HMGCL: variants seen among roughly 807,000 people sequenced by gnomAD.
The protein encoded by HMGCL is 3-hydroxy-3-methylglutaryl-CoA lyase, also known as hydroxymethylglutaryl-CoA lyase, mitochondrial.
HMGCL carries 26 observed loss-of-function variants against 37.3 expected under a neutral mutation model. The ratio of observed to expected loss-of-function variants is 0.70; its 90% confidence interval spans 0.51 to 0.97. HMGCL has a LOEUF of 0.97. HMGCL is among the 50% of genes least tolerant of loss of function. HMGCL has a pLI of 0.00. For synonymous variants in HMGCL, 151 were observed against 148.0 expected (o/e 1.02, Z -0.15); for missense variants, 379 against 398.1 (o/e 0.95, Z 0.41).
intron 8 of HMGCL, chr1:23,803,517 G>T (rs1467419021): frequency 6.6e-6 from 1 of 152,202 alleles, no homozygotes; most frequent in Non-Finnish European, 1.5e-5. Flanking sequence ...TCTATTGTTA[G>T]TGGAGACAGT....
chr1:23,808,700 T>G (rs1557487967), intron 6 of HMGCL, among the ~76,000 whole-genome samples: 1 of 151,720 alleles, frequency 6.6e-6, no homozygotes, highest in Non-Finnish European at 1.5e-5. Context: ...AGCAATAAAA[T>G]CCATGAAATC....
chr1:23,811,725 G>A (rs1638524141), intron 5 of HMGCL, among the ~76,000 whole-genome samples: 1 of 152,188 alleles, frequency 6.6e-6, no homozygotes, highest in African/African-American at 2.4e-5. Flanking sequence ...GGTCAGCAAG[G>A]TGGGCACAGG....
intron 2 of HMGCL, among the ~76,000 whole-genome samples, chr1:23,818,111 C>T (rs1638647947): frequency 1.3e-5 from 2 of 152,180 alleles, no homozygotes; most frequent in Admixed American, 1.3e-4. Flanking sequence ...TCTCTTGCAT[C>T]AAAAGCTTTC....
rs768446990 is a variant in HMGCL, at chr1:23,806,713, G to A, written c.750+1422C>T. On this transcript the variant is annotated intron_variant, in intron 7 of 8. Coordinates refer to ENST00000374490, the MANE Select transcript of HMGCL (RefSeq NM_000191.3). The surrounding 1 kb of genome is among the most constrained non-coding windows in gnomAD (Gnocchi z 4.0). ...TTATTATCTGTCTCATAGTACTAGA[G>A]TGTCAGCCTCATGAGGGCAGAGACT... is the stretch of plus-strand genomic sequence containing the variant. The A allele has an allele frequency of 2.9e-6, 1 of 350,700 alleles. No individual in the cohort carries two copies. The highest frequency in any genetic ancestry group is 5.6e-6 in the Non-Finnish European group (1 of 178,166). 21.7% of individuals were successfully genotyped at this position (350,700 alleles called of 1,614,324 possible).
chr1:23,819,468 C>G (rs746242750), intron 2 of HMGCL, among the ~76,000 whole-genome samples: 1 of 152,184 alleles, frequency 6.6e-6, no homozygotes, highest in Non-Finnish European at 1.5e-5. Flanking sequence ...TTGGCTCATG[C>G]CTGTAATCCC....
chr1:23,819,006 T>TAAAAAAAAAAAAAAAAAA (rs11371330), intron 2 of HMGCL, among the ~76,000 whole-genome samples: 2 of 43,142 alleles, frequency 4.6e-5, no homozygotes, highest in African/African-American at 1.0e-4. Context: ...ATGGACGTGC[T>TAAAAAAAAAAAAAAAAAA]AAAAAAAAAA....
At chr1:23,820,639 A>C (rs1171448391) in intron 1 of HMGCL, 46 bp from the exon 2 acceptor site, 11 of 1,314,964 alleles carry the variant, frequency 8.4e-6, no homozygotes, top group Non-Finnish European at 1.2e-5. Flanking sequence ...AGAGATTGCC[A>C]CAATTCCCAG....
Position 23,808,255 on chromosome 1 carries a change from G to A in HMGCL, c.630C>T (p.Thr210=), listed in dbSNP as rs886046313. 10 of 1,613,990 alleles carry A rather than the reference G, an allele frequency of 6.2e-6. No homozygotes were observed. The highest frequency in any genetic ancestry group is 8.5e-6 in the Non-Finnish European group (10 of 1,179,950). ...ISLGDTIGVG[T]PGIMKDMLSA... is the part of the protein sequence containing the mutation. ...ATAGCATGTCTTTCATGATCCCTGG[G>A]GTGCCCACACCAATGGTGTCCCCCA... Residue 210 remains threonine (T), a synonymous_variant, in exon 7 of 9, where the codon ACC becomes ACT. Transcript: ENST00000374490.
rs1271359852 is a variant in HMGCL at position 23,805,585 on chromosome 1, C to T, written c.751-1060G>A. ...CTAGCCGCATCATCTTGGACACCTT[C>T]TCCATGTGGCTTCCAGGGCTCCACA... is the stretch of plus-strand genomic sequence containing the variant. On this transcript the variant is annotated intron_variant, in intron 7 of 8. Transcript: ENST00000374490. 2.6e-5 allele frequency among the ~76,000 whole-genome samples: 4 copies of T among 152,182 alleles called. No individual in the cohort carries two copies. In the South Asian group the frequency reaches 8.3e-4, roughly 32 times the overall value.
intron 1 of HMGCL, among the ~76,000 whole-genome samples, chr1:23,822,821 A>T (rs1638744277): frequency 6.6e-6 from 1 of 152,178 alleles, no homozygotes; most frequent in African/African-American, 2.4e-5. Context: ...CTGTATTTCT[A>T]AGGCCCTGGG....
intron 4 of HMGCL, among the ~76,000 whole-genome samples, chr1:23,815,305 A>G (rs1638592574): frequency 6.6e-6 from 1 of 152,018 alleles, no homozygotes; most frequent in African/African-American, 2.4e-5. Flanking sequence ...TGCATCTACA[A>G]GCCAGGCAAT....
intron 5 of HMGCL, among the ~76,000 whole-genome samples, chr1:23,812,112 C>A (rs1024892673): frequency 2.0e-5 from 3 of 152,128 alleles, no homozygotes; most frequent in Admixed American, 6.6e-5. Context: ...GAGTGGAGCA[C>A]CCCAGGGACT....
At chr1:23,810,861 G>A in intron 5 of HMGCL, 62 bp from the exon 6 acceptor site, 2 of 1,355,022 alleles carry the variant, frequency 1.5e-6, no homozygotes, top group Non-Finnish European at 1.1e-6. Flanking sequence ...GCAGAACTGA[G>A]GCAGGGCTGT....
chr1:23,823,578 C>A (rs1638761936), intron 1 of HMGCL, among the ~76,000 whole-genome samples: 2 of 152,048 alleles, frequency 1.3e-5, no homozygotes, highest in South Asian at 4.1e-4. Context: ...GTCCCGAACT[C>A]CCGACCTCAA....
intron 7 of HMGCL, chr1:23,807,032 A>G: frequency 1.9e-6 from 1 of 519,010 alleles, no homozygotes. Flanking sequence ...ACACAGCTCA[A>G]CCTGTTCCCT....
intron 2 of HMGCL, among the ~76,000 whole-genome samples, chr1:23,819,168 T>C (rs1638668245): frequency 6.6e-6 from 1 of 152,110 alleles, no homozygotes; most frequent in Non-Finnish European, 1.5e-5. Flanking sequence ...GGTGTGTAAC[T>C]TTCTAGATCT....
chr1:23,811,976 AAG>A (rs1198416976), intron 5 of HMGCL, among the ~76,000 whole-genome samples: 19 of 152,234 alleles, frequency 1.2e-4, no homozygotes. Context: ...AGAAAAAGGT[AAG>A]AGAGATGCTT....
chr1:23,817,701 C>T, intron 2 of HMGCL, 118 bp from the exon 3 acceptor site: 1 of 717,738 alleles, frequency 1.4e-6, no homozygotes, highest in Non-Finnish European at 2.5e-6. Flanking sequence ...AGCTTCTCAC[C>T]TGAAAAGGAG....
chr1:23,822,686 T>C (rs1399503808), intron 1 of HMGCL, among the ~76,000 whole-genome samples: 3 of 152,112 alleles, frequency 2.0e-5, no homozygotes, highest in Admixed American at 6.6e-5. Context: ...ACAGGCTAAG[T>C]TGGAAGGTCC....
Sources: gnomAD v4.1 joint callset for allele counts (sites outside exome capture counted in the v4.1 genomes callset) on GRCh38, gnomAD v4.1.1 for gene constraint, Gnocchi (gnomAD v3.1) non-coding constraint, MANE v1.5 for transcripts, NCBI Gene and HGNC (gene_info 2026-07-23, HGNC 2026-07-21) for gene names.